CDKAL1: variants seen among roughly 807,000 people sequenced by gnomAD.
CDKAL1 encodes the protein threonylcarbamoyladenosine tRNA methylthiotransferase.
Under a neutral mutation model 68.2 loss-of-function variants are expected in CDKAL1, and 32 were observed. The ratio of observed to expected loss-of-function variants is 0.47; its 90% confidence interval spans 0.35 to 0.63. CDKAL1 has a LOEUF of 0.63. Among genes scored for constraint, CDKAL1 ranks in the 30% least tolerant of loss-of-function variants. The probability of loss-of-function intolerance (pLI) is 0.00; values close to 1 mark genes in which losing one functional copy is unlikely to be tolerated. For missense variants in CDKAL1, 606 were observed against 696.7 expected, an observed-to-expected ratio of 0.87 and a Z score of 1.47; for synonymous variants, 234 against 244.3, an observed-to-expected ratio of 0.96 and a Z score of 0.39.
intron 12 of CDKAL1, among the ~76,000 whole-genome samples, chr6:21,096,325 C>T (rs756505047): frequency 2.6e-5 from 4 of 151,990 alleles, no homozygotes; most frequent in Non-Finnish European, 5.9e-5. Context: ...CCCTTGGGTG[C>T]GATGTGGATT....
chr6:20,812,113 A>G (rs1347774539), intron 8 of CDKAL1, among the ~76,000 whole-genome samples: 1 of 152,142 alleles, frequency 6.6e-6, no homozygotes, highest in Non-Finnish European at 1.5e-5. Flanking sequence ...TCTGAAAAGA[A>G]TTTTTTTAAA....
intron 8 of CDKAL1, among the ~76,000 whole-genome samples, chr6:20,827,015 TAAAAAC>T (rs989543117): frequency 2.6e-5 from 4 of 152,172 alleles, no homozygotes; most frequent in Non-Finnish European, 5.9e-5. Flanking sequence ...GGCTCATAGT[TAAAAAC>T]AAACAAAACC....
At chr6:20,658,486 A>G (rs1769131865) in intron 5 of CDKAL1, among the ~76,000 whole-genome samples, 1 of 152,250 alleles carries the variant, frequency 6.6e-6, no homozygotes, top group Non-Finnish European at 1.5e-5. Flanking sequence ...ACATCTTTTC[A>G]CTATAGGAAA....
At chr6:20,807,288 A>G (rs1428742431) in intron 8 of CDKAL1, among the ~76,000 whole-genome samples, 1 of 151,582 alleles carries the variant, frequency 6.6e-6, no homozygotes, top group Non-Finnish European at 1.5e-5. Context: ...CAGTGGCACG[A>G]TCTTGGCTCA....
At chr6:20,915,784 A>G (rs569497636) in intron 9 of CDKAL1, among the ~76,000 whole-genome samples, 5 of 152,338 alleles carry the variant, frequency 3.3e-5, no homozygotes, top group African/African-American at 9.6e-5. Flanking sequence ...TAATAGCCTC[A>G]AACTGGAAAT....
At chr6:20,621,090 A>C (rs1010577488) in intron 4 of CDKAL1, among the ~76,000 whole-genome samples, 1 of 151,836 alleles carries the variant, frequency 6.6e-6, no homozygotes, top group Non-Finnish European at 1.5e-5. Flanking sequence ...GCTGCCTCAG[A>C]TTTACCATTT....
intron 9 of CDKAL1, among the ~76,000 whole-genome samples, chr6:20,897,376 TGAA>T (rs1241897046): frequency 2.0e-5 from 3 of 152,130 alleles, no homozygotes; most frequent in East Asian, 3.9e-4. Context: ...CAGGCTCAGA[TGAA>T]GAAGTGATTA....
At chr6:21,198,571 G>C (rs1281248461) in intron 14 of CDKAL1, among the ~76,000 whole-genome samples, 1 of 152,182 alleles carries the variant, frequency 6.6e-6, no homozygotes, top group African/African-American at 2.4e-5. Flanking sequence ...GTTTTGTTTA[G>C]TTTTAGCATC....
chr6:20,806,897 A>T (rs1378750498), intron 8 of CDKAL1, among the ~76,000 whole-genome samples: 4 of 152,236 alleles, frequency 2.6e-5, no homozygotes, highest in Non-Finnish European at 5.9e-5. Context: ...TACAGCTGAT[A>T]CGGTAAAAAT....
At chr6:20,619,667 A>T (rs1422394026) in intron 4 of CDKAL1, among the ~76,000 whole-genome samples, 1 of 152,152 alleles carries the variant, frequency 6.6e-6, no homozygotes, top group Admixed American at 6.5e-5. Context: ...ACAAATTTCA[A>T]CCCCTTAATT....
intron 11 of CDKAL1, among the ~76,000 whole-genome samples, chr6:21,003,371 T>TATATATATATATATATATATATATATAG: frequency 2.0e-5 from 1 of 49,312 alleles, no homozygotes; most frequent in Non-Finnish European, 3.4e-5. Context: ...TATATATATA[T>TATATATATATATATATATATATATATAG]ACACACACAC....
chr6:20,985,617 A>G (rs1422000700), intron 10 of CDKAL1, among the ~76,000 whole-genome samples: 1 of 152,150 alleles, frequency 6.6e-6, no homozygotes, highest in Non-Finnish European at 1.5e-5. Flanking sequence ...CTTAAGACCT[A>G]AAGTCTTAAA....
rs1033951271 is a variant in CDKAL1 at position 21,186,768 on chromosome 6, T to A, written c.1300-11253T>A. 3.5e-4 allele frequency among the ~76,000 whole-genome samples: 54 copies of A among 152,264 alleles called. 1 individual carries two copies. Among genetic ancestry groups the A allele is most frequent in the East Asian group, 1.7e-3 (9 of 5,186 alleles). Reference sequence around the variant, plus strand: ...TAAGAGTGTGGTGAGGTTTTTTTTTTAATTTTTTTGAAAAATGACTAATAT... The same window carrying A: ...TAAGAGTGTGGTGAGGTTTTTTTTTAAATTTTTTTGAAAAATGACTAATAT... On this transcript the variant is annotated intron_variant, in intron 13 of 15. Coordinates refer to ENST00000274695, the MANE Select transcript of CDKAL1 (RefSeq NM_017774.3).
intron 15 of CDKAL1, among the ~76,000 whole-genome samples, chr6:21,210,008 A>G (rs1779090236): frequency 6.6e-6 from 1 of 152,232 alleles, no homozygotes. Flanking sequence ...CCTTGATAAT[A>G]TCTGTCTGTG....
chr6:20,817,203 C>A (rs1777081331), intron 8 of CDKAL1, among the ~76,000 whole-genome samples: 1 of 151,996 alleles, frequency 6.6e-6, no homozygotes, highest in Non-Finnish European at 1.5e-5. Flanking sequence ...AGCACTAGTT[C>A]TTTTATTAAT....
intron 8 of CDKAL1, among the ~76,000 whole-genome samples, chr6:20,804,587 C>T (rs372663052): frequency 6.6e-6 from 1 of 152,120 alleles, no homozygotes; most frequent in South Asian, 2.1e-4. Context: ...TTAATTTTAT[C>T]AGGAAACAGC....
At chr6:20,581,164 T>C (rs1230517608) in intron 4 of CDKAL1, among the ~76,000 whole-genome samples, 1 of 152,232 alleles carries the variant, frequency 6.6e-6, no homozygotes, top group Non-Finnish European at 1.5e-5. Flanking sequence ...GCCTCAGTTA[T>C]CCCTGATGTA....
intron 5 of CDKAL1, among the ~76,000 whole-genome samples, chr6:20,657,435 C>T (rs1294017097): frequency 6.6e-6 from 1 of 152,142 alleles, no homozygotes; most frequent in Non-Finnish European, 1.5e-5. Context: ...GCTACTTATT[C>T]CTGTGTGTCA....
chr6:21,124,294 C>G (rs1774876919), intron 13 of CDKAL1, among the ~76,000 whole-genome samples: 2 of 152,284 alleles, frequency 1.3e-5, no homozygotes, highest in South Asian at 4.1e-4. Context: ...TCTGGCTTCT[C>G]TGGCTTCCTC....
Sources: allele counts gnomAD v4.1 joint callset (sites outside exome capture counted in the v4.1 genomes callset), GRCh38; gene constraint gnomAD v4.1.1; transcripts MANE v1.5; gene names NCBI Gene and HGNC (gene_info 2026-07-23, HGNC 2026-07-21).